ALMS1: variants seen among roughly 807,000 people sequenced by gnomAD.
ALMS1 encodes the protein ALMS1 centrosome and basal body associated protein.
ALMS1 carries 271 observed loss-of-function variants against 352.2 expected under a neutral mutation model. The observed-to-expected ratio is 0.77, with a 90% CI of 0.70 to 0.85. ALMS1 has a LOEUF of 0.85. ALMS1 is among the 40% of genes least tolerant of loss of function. ALMS1 has a pLI of 0.00. For synonymous variants in ALMS1, 1,865 were observed against 1,761.2 expected (o/e 1.06, Z -1.48); for missense variants, 5,445 against 4,870.7 (o/e 1.12, Z -3.51).
intron 15 of ALMS1, among the ~76,000 whole-genome samples, chr2:73,566,594 A>G (rs1219378010): frequency 6.6e-6 from 1 of 152,238 alleles, no homozygotes; most frequent in Non-Finnish European, 1.5e-5. Flanking sequence ...GAAACCTTAG[A>G]AAGCAAAACC....
intron 9 of ALMS1, among the ~76,000 whole-genome samples, chr2:73,466,419 G>T (rs921118120): frequency 6.8e-6 from 1 of 147,696 alleles, no homozygotes; most frequent in Non-Finnish European, 1.5e-5. Flanking sequence ...TCACTCATAG[G>T]TGGGAATTGA....
intron 12 of ALMS1, among the ~76,000 whole-genome samples, chr2:73,539,886 T>G (rs1208056908): frequency 2.0e-5 from 3 of 152,176 alleles, no homozygotes; most frequent in Non-Finnish European, 4.4e-5. Context: ...CAACCAAATC[T>G]ACGTCTGATT....
At chr2:73,557,431 A>T in intron 14 of ALMS1, 77 bp downstream of exon 14, 2 of 1,578,518 alleles carry the variant, frequency 1.3e-6, no homozygotes. Flanking sequence ...GAACAGAAAC[A>T]GAAATATATT....
chr2:73,606,367 C>T (rs991153045), intron 21 of ALMS1, among the ~76,000 whole-genome samples: 1 of 152,166 alleles, frequency 6.6e-6, no homozygotes, highest in Non-Finnish European at 1.5e-5. Flanking sequence ...CTAACTCAGT[C>T]ACAAAATGGA....
chr2:73,501,309 A>G (rs1265601460), intron 10 of ALMS1, among the ~76,000 whole-genome samples: 1 of 151,550 alleles, frequency 6.6e-6, no homozygotes, highest in Non-Finnish European at 1.5e-5. Flanking sequence ...AGAAAGCTTT[A>G]ATTTTGATGA....
At position 73,386,170 on chromosome 2, in the gene ALMS1, G is replaced by C. The variant is rs1180446025; in HGVS notation, c.302G>C (p.Gly101Ala). The change falls in exon 1 of 23, where the codon GGC (glycine) becomes GCC (alanine). Residue 101 changes from glycine (G) to alanine (A), a missense_variant. Transcript: ENST00000613296. ...LSPPQHRYSE[G>A]ERTSLEKIVP... is the part of the protein sequence containing the mutation. The stretch of plus-strand genomic sequence containing the variant: ...CCCCCGCAGCACCGCTACTCGGAGG[G>C]CGAGCGGACCTCCCTGGAGAAGGTG... 2 of 1,549,312 alleles carry C rather than the reference G, an allele frequency of 1.3e-6. No homozygotes were observed. Among genetic ancestry groups the C allele is most frequent in the Non-Finnish European group, 1.7e-6 (2 of 1,146,448 alleles).
At chr2:73,577,895 C>T (rs1319563738) in intron 16 of ALMS1, among the ~76,000 whole-genome samples, 1 of 152,120 alleles carries the variant, frequency 6.6e-6, no homozygotes, top group African/African-American at 2.4e-5. Flanking sequence ...TTAGGTCTAG[C>T]TGGTTTATAA....
At position 73,599,738 on chromosome 2, in the gene ALMS1, A is replaced by G. The variant is rs186567948; in HGVS notation, c.11668+217A>G. Among the ~76,000 whole-genome samples, 222 of 152,050 alleles carry G rather than the reference A, an allele frequency of 1.5e-3. 1 individual carries two copies. The highest frequency in any genetic ancestry group is 4.6e-3 in the African/African-American group (191 of 41,488). On this transcript the variant is annotated intron_variant, in intron 17 of 22. Coordinates refer to ENST00000613296, the MANE Select transcript of ALMS1 (RefSeq NM_001378454.1). ...TTCCCTTGTATATTTCAGTGGGAGT[A>G]GAAGTTGATTCACTGTGAAAGGCAA... is the stretch of plus-strand genomic sequence containing the variant.
chr2:73,511,527 A>G (rs182608767), intron 10 of ALMS1, among the ~76,000 whole-genome samples: 74 of 152,076 alleles, frequency 4.9e-4, no homozygotes, highest in Admixed American at 3.9e-3. Context: ...AATGAGATGA[A>G]CTGGGTACCT....
intron 16 of ALMS1, among the ~76,000 whole-genome samples, chr2:73,576,467 C>CT (rs927344674): frequency 5.3e-5 from 8 of 151,864 alleles, no homozygotes; most frequent in Non-Finnish European, 8.8e-5. Flanking sequence ...TTTATTAACT[C>CT]TTTTTTTGTG....
chr2:73,603,121 C>T, intron 20 of ALMS1, 120 bp from the exon 21 acceptor site: 1 of 893,124 alleles, frequency 1.1e-6, no homozygotes, highest in Admixed American at 1.9e-5. Flanking sequence ...TTGCTCCCCA[C>T]TCAGTCTTGC....
At chr2:73,434,414 A>G (rs1410312826) in intron 7 of ALMS1, among the ~76,000 whole-genome samples, 1 of 152,054 alleles carries the variant, frequency 6.6e-6, no homozygotes, top group Non-Finnish European at 1.5e-5. Flanking sequence ...TTCTGTTATT[A>G]TGTTTCATCT....
chr2:73,396,550 C>CTTT (rs60473435), intron 1 of ALMS1, among the ~76,000 whole-genome samples: 2,047 of 77,284 alleles, frequency 0.026, 152 homozygotes, highest in African/African-American at 0.073. Flanking sequence ...GGTCTGAGCT[C>CTTT]TTTTTTTTTT....
intron 9 of ALMS1, among the ~76,000 whole-genome samples, chr2:73,479,502 T>C (rs1672650937): frequency 6.6e-6 from 1 of 152,248 alleles, no homozygotes; most frequent in Non-Finnish European, 1.5e-5. Flanking sequence ...TTGGCCTTTT[T>C]TTCACTCAGC....
Position 73,453,939 on chromosome 2 carries a change from G to A in ALMS1, c.7412G>A (p.Gly2471Asp). The change falls in exon 8 of 23, where the codon GGT becomes GAT. Residue 2471 changes from glycine to aspartate, a missense_variant. By Grantham distance (94) the Gly-to-Asp change is moderately conservative. Coordinates refer to ENST00000613296, the MANE Select transcript of ALMS1 (RefSeq NM_001378454.1). ...EEEGVSESED[G>D]GGSSVDSLAA... The stretch of plus-strand genomic sequence containing the variant: ...GAGGGTGTGTCAGAGAGTGAGGATG[G>A]TGGTGGTAGCAGTGTAGATTCACTG... 1 of 1,614,036 alleles carries A rather than the reference G, an allele frequency of 6.2e-7. No individual in the cohort carries two copies.
chr2:73,495,210 C>T (rs1204535407), intron 10 of ALMS1, among the ~76,000 whole-genome samples: 1 of 151,980 alleles, frequency 6.6e-6, no homozygotes, highest in South Asian at 2.1e-4. Flanking sequence ...CATTAAAAAT[C>T]CCTCTTTTTA....
At position 73,501,751 on chromosome 2, in the gene ALMS1, A is replaced by G. The variant is rs1458168478; in HGVS notation, c.9539+10253A>G. 1.3e-5 allele frequency among the ~76,000 whole-genome samples: 2 copies of G among 152,026 alleles called. 1 individual carries two copies. Among genetic ancestry groups the G allele is most frequent in the South Asian group, 4.1e-4 (2 of 4,826 alleles). ...TCCTCCAACCTTGTTTTTGTTTTCA[A>G]AATTATTTTTGCTATTTCAAGTCCT... On this transcript the variant is annotated intron_variant, in intron 10 of 22. Coordinates refer to ENST00000613296, the MANE Select transcript of ALMS1 (RefSeq NM_001378454.1).
chr2:73,510,538 A>G (rs552242767), intron 10 of ALMS1, among the ~76,000 whole-genome samples: 2 of 152,328 alleles, frequency 1.3e-5, no homozygotes, highest in East Asian at 3.9e-4. Context: ...GGTATCACCA[A>G]TGAAGGCTGC....
intron 9 of ALMS1, among the ~76,000 whole-genome samples, chr2:73,471,937 A>G (rs548680802): frequency 5.9e-5 from 9 of 152,166 alleles, no homozygotes; most frequent in Admixed American, 3.9e-4. Context: ...GCCAAGATAT[A>G]TAAACAAGAT....
Sources: gnomAD v4.1 joint callset for allele counts (sites outside exome capture counted in the v4.1 genomes callset) on GRCh38, gnomAD v4.1.1 for gene constraint, MANE v1.5 for transcripts, NCBI Gene and HGNC (gene_info 2026-07-23, HGNC 2026-07-21) for gene names.